Variants in SLC10A7 observed in about 807,000 individuals in gnomAD.
SLC10A7 encodes solute carrier family 10 member 7, also known as sodium/bile acid cotransporter 7.
In SLC10A7, 29 loss-of-function variants were observed where a neutral mutation model predicts 43.2. The observed-to-expected ratio is 0.67, with a 90% CI of 0.50 to 0.92. The LOEUF (loss-of-function observed/expected upper bound fraction) is 0.92, where lower values mean the gene tolerates loss of function less well. SLC10A7 is among the 40% of genes least tolerant of loss of function. The pLI, the probability that SLC10A7 is intolerant of heterozygous loss-of-function variation, is 0.00. For missense variants in SLC10A7, 295 were observed against 403.2 expected (o/e 0.73, Z 2.30); for synonymous variants, 152 against 144.8 (o/e 1.05, Z -0.35).
chr4:146,370,651 T>A (rs1736707958), intron 5 of SLC10A7, among the ~76,000 whole-genome samples: 1 of 152,188 alleles, frequency 6.6e-6, no homozygotes, highest in Non-Finnish European at 1.5e-5. Flanking sequence ...CATTCAGCCT[T>A]TTTTAATCTT....
intron 4 of SLC10A7, among the ~76,000 whole-genome samples, chr4:146,466,308 G>C (rs71614582): frequency 2.0e-5 from 3 of 152,106 alleles, no homozygotes; most frequent in African/African-American, 7.2e-5. Flanking sequence ...TAGATCCGAA[G>C]GGACTAGAAA....
intron 10 of SLC10A7, among the ~76,000 whole-genome samples, chr4:146,271,537 C>T (rs7693289): frequency 0.47 from 71,345 of 151,882 alleles, 16,977 homozygotes; most frequent in Admixed American, 0.57. Flanking sequence ...CACTGCCACA[C>T]CTTCCCACAA....
intron 4 of SLC10A7, among the ~76,000 whole-genome samples, chr4:146,444,098 C>T (rs1297808564): frequency 1.3e-5 from 2 of 152,170 alleles, no homozygotes; most frequent in Non-Finnish European, 2.9e-5. Context: ...ATATTTAACA[C>T]ATCTTCCTGG....
At position 146,294,095 on chromosome 4, in the gene SLC10A7, T is replaced by C; in HGVS notation, c.556A>G (p.Ile186Val). 6.3e-7 allele frequency: 1 copy of C among 1,591,672 alleles called. No individual in the cohort carries two copies. The highest frequency in any genetic ancestry group is 8.6e-7 in the Non-Finnish European group (1 of 1,166,106). ...CAATCCTTGATGTATCTTCGGACAA[T>C]CTGAAATACAGAGATCAACAGGTTG... ...TVVVPLIIGQ[I>V]VRRYIKDWLE... The change falls in exon 8 of 12, where the codon ATT becomes GTT. Residue 186 changes from isoleucine (I) to valine (V), a missense_variant and splice_region_variant. Ile to Val is a conservative substitution (Grantham distance 29). Around this residue, in one of 2 missense-constraint regions of SLC10A7, gnomAD observed 242 missense variants for 362.5 expected, o/e 0.67. Transcript: ENST00000335472.
intron 4 of SLC10A7, among the ~76,000 whole-genome samples, chr4:146,489,015 C>T (rs1350099745): frequency 1.3e-5 from 2 of 152,134 alleles, no homozygotes; most frequent in East Asian, 3.9e-4. Flanking sequence ...AGCACACATT[C>T]CCTGCCATCT....
intron 6 of SLC10A7, among the ~76,000 whole-genome samples, chr4:146,309,843 G>C (rs574362662): frequency 6.6e-6 from 1 of 152,156 alleles, no homozygotes; most frequent in South Asian, 2.1e-4. Flanking sequence ...TTTAGATTCA[G>C]GGGGTACACG....
chr4:146,465,430 T>G (rs1422407578), intron 4 of SLC10A7, among the ~76,000 whole-genome samples: 1 of 152,166 alleles, frequency 6.6e-6, no homozygotes, highest in East Asian at 1.9e-4. Flanking sequence ...AAAAACTGCT[T>G]TTTGATTCAA....
chr4:146,420,303 T>C (rs1463588675), intron 5 of SLC10A7, among the ~76,000 whole-genome samples: 1 of 152,250 alleles, frequency 6.6e-6, no homozygotes, highest in Non-Finnish European at 1.5e-5. Flanking sequence ...TCATGATGCT[T>C]CGCAACAATT....
intron 9 of SLC10A7, among the ~76,000 whole-genome samples, chr4:146,286,519 G>A (rs865860012): frequency 9.4e-5 from 13 of 137,778 alleles, no homozygotes; most frequent in South Asian, 8.7e-4. Flanking sequence ...TGTTTGGAGT[G>A]GTGAGAAGGA....
At chr4:146,270,436 C>T (rs1213997458) in intron 10 of SLC10A7, among the ~76,000 whole-genome samples, 1 of 152,146 alleles carries the variant, frequency 6.6e-6, no homozygotes, top group African/African-American at 2.4e-5. Context: ...CTTTTTGGAA[C>T]CTAGTAGAAC....
intron 2 of SLC10A7, among the ~76,000 whole-genome samples, chr4:146,515,845 G>C (rs899186199): frequency 2.0e-5 from 3 of 150,494 alleles, no homozygotes; most frequent in African/African-American, 7.4e-5. Flanking sequence ...GGGAGGCGGA[G>C]GTTGCAGTGA....
intron 2 of SLC10A7, among the ~76,000 whole-genome samples, chr4:146,511,852 T>C (rs1737502064): frequency 6.6e-6 from 1 of 152,076 alleles, no homozygotes; most frequent in Non-Finnish European, 1.5e-5. Context: ...AAGCCAAATC[T>C]CATTTAAATA....
At chr4:146,440,130 T>C (rs1730485267) in intron 5 of SLC10A7, among the ~76,000 whole-genome samples, 2 of 152,168 alleles carry the variant, frequency 1.3e-5, no homozygotes, top group African/African-American at 4.8e-5. Context: ...ATCTAATTTT[T>C]AGCTCGCAGT....
At chr4:146,321,920 C>T (rs148450313) in intron 6 of SLC10A7, among the ~76,000 whole-genome samples, 1 of 152,236 alleles carries the variant, frequency 6.6e-6, no homozygotes, top group African/African-American at 2.4e-5. Context: ...ATATGCGATG[C>T]ATATGATGTA....
At chr4:146,455,877 G>GT (rs1731999254) in intron 4 of SLC10A7, among the ~76,000 whole-genome samples, 1 of 151,756 alleles carries the variant, frequency 6.6e-6, no homozygotes, top group African/African-American at 2.4e-5. Flanking sequence ...TTTTATTGGA[G>GT]TTTTTTCTAA....
In SLC10A7 at chr4:146,258,119, T is replaced by C. The variant is rs76524794; in HGVS notation, c.993+573A>G. On this transcript the variant is annotated intron_variant, in intron 11 of 11. Coordinates refer to ENST00000335472, the MANE Select transcript of SLC10A7 (RefSeq NM_001029998.6). Reference sequence around the variant, plus strand: ...CTTATTTTGTTGATAATTTAGGAAATGAAATCCACAAATATCTAATGTGTA... The same window carrying C: ...CTTATTTTGTTGATAATTTAGGAAACGAAATCCACAAATATCTAATGTGTA... 1.4e-3 allele frequency among the ~76,000 whole-genome samples: 210 copies of C among 152,368 alleles called. 2 individuals are homozygous for C. In the East Asian group the frequency reaches 0.024, roughly 18 times the overall value.
intron 4 of SLC10A7, among the ~76,000 whole-genome samples, chr4:146,475,713 T>A (rs1326870521): frequency 6.6e-6 from 1 of 152,144 alleles, no homozygotes; most frequent in Non-Finnish European, 1.5e-5. Flanking sequence ...AAATGAAAAC[T>A]ACAGAAATTG....
intron 6 of SLC10A7, among the ~76,000 whole-genome samples, chr4:146,307,004 A>C (rs534845194): frequency 6.6e-6 from 1 of 152,290 alleles, no homozygotes; most frequent in South Asian, 2.1e-4. Flanking sequence ...ACATGGAGGT[A>C]ATGATGATTG....
intron 9 of SLC10A7, among the ~76,000 whole-genome samples, chr4:146,289,706 G>GTTTTTTTTTTT (rs776153195): frequency 1.1e-5 from 1 of 88,090 alleles, no homozygotes; most frequent in Non-Finnish European, 2.2e-5. Flanking sequence ...CTGATTATTA[G>GTTTTTTTTTTT]TTTTTTTTTT....
Sources: allele counts gnomAD v4.1 joint callset (sites outside exome capture counted in the v4.1 genomes callset), GRCh38; gene constraint gnomAD v4.1.1; regional missense constraint gnomAD v4.1.1; transcripts MANE v1.5; gene names NCBI Gene and HGNC (gene_info 2026-07-23, HGNC 2026-07-21).